TCERG1L: variants seen among roughly 807,000 people sequenced by gnomAD.
TCERG1L encodes transcription elongation regulator 1 like.
A neutral mutation model predicts 56.3 loss-of-function variants in TCERG1L; 37 were observed. That is an observed-to-expected ratio of 0.66 (90% CI 0.51 to 0.87). TCERG1L has a LOEUF of 0.87. Ranked by LOEUF, TCERG1L falls within the 40% of genes least tolerant of loss-of-function variation. The pLI, the probability that TCERG1L is intolerant of heterozygous loss-of-function variation, is 0.00. For synonymous variants in TCERG1L, 324 were observed against 326.3 expected, an observed-to-expected ratio of 0.99 and a Z score of 0.08; for missense variants, 799 against 774.2, an observed-to-expected ratio of 1.03 and a Z score of -0.38.
chr10:131,286,425 A>C (rs1002629488), intron 3 of TCERG1L, among the ~76,000 whole-genome samples: 1 of 152,236 alleles, frequency 6.6e-6, no homozygotes, highest in Non-Finnish European at 1.5e-5. Context: ...CTGTGGTTAC[A>C]ATACCGTATT....
chr10:131,156,746 GC>G (rs1448646933), intron 6 of TCERG1L, among the ~76,000 whole-genome samples: 4 of 151,942 alleles, frequency 2.6e-5, no homozygotes, highest in Admixed American at 1.3e-4. Flanking sequence ...GGTGCATGCA[GC>G]CCCCCAGTCA....
intron 4 of TCERG1L, among the ~76,000 whole-genome samples, chr10:131,250,616 T>G (rs960851652): frequency 6.6e-6 from 1 of 152,156 alleles, no homozygotes; most frequent in African/African-American, 2.4e-5. Flanking sequence ...GGAGCCAGTC[T>G]TGAGCCACAG....
At chr10:131,233,906 A>C (rs546437388) in intron 4 of TCERG1L, among the ~76,000 whole-genome samples, 1 of 152,268 alleles carries the variant, frequency 6.6e-6, no homozygotes, top group South Asian at 2.1e-4. Flanking sequence ...CTCTGGACAG[A>C]CTAGATTATT....
At chr10:131,125,159 G>GTGATGA (rs34057810) in intron 8 of TCERG1L, among the ~76,000 whole-genome samples, 1 of 151,906 alleles carries the variant, frequency 6.6e-6, no homozygotes. Context: ...GGTGGTGGTG[G>GTGATGA]TGATGATGAT....
At chr10:131,251,106 G>A (rs565467630) in intron 4 of TCERG1L, among the ~76,000 whole-genome samples, 1 of 152,280 alleles carries the variant, frequency 6.6e-6, no homozygotes, top group Non-Finnish European at 1.5e-5. Context: ...TTTGCTGTAT[G>A]GTGCCCCTTT....
At chr10:131,138,331 T>C (rs1434230081) in intron 7 of TCERG1L, among the ~76,000 whole-genome samples, 1 of 152,208 alleles carries the variant, frequency 6.6e-6, no homozygotes, top group Non-Finnish European at 1.5e-5. Flanking sequence ...TGCCATTCTC[T>C]GCTGACTGCA....
At chr10:131,304,302 A>G (rs1424184161) in intron 3 of TCERG1L, among the ~76,000 whole-genome samples, 1 of 151,990 alleles carries the variant, frequency 6.6e-6, no homozygotes, top group African/African-American at 2.4e-5. Context: ...TAATTCCTGA[A>G]TGGCTTGAAG....
intron 3 of TCERG1L, among the ~76,000 whole-genome samples, chr10:131,299,059 T>G (rs1466717948): frequency 6.6e-6 from 1 of 152,234 alleles, no homozygotes. Flanking sequence ...TAAATGTATT[T>G]GATTAGATTT....
At chr10:131,148,232 C>T (rs1157091543) in intron 6 of TCERG1L, among the ~76,000 whole-genome samples, 1 of 152,168 alleles carries the variant, frequency 6.6e-6, no homozygotes, top group Non-Finnish European at 1.5e-5. Flanking sequence ...CACAAGGGTC[C>T]TTCTAAGAGG....
At position 131,145,061 on chromosome 10, in the gene TCERG1L, A is replaced by G. The variant is rs77180038; in HGVS notation, c.1189+1445T>C. Reference sequence around the variant, plus strand: ...CTCATTACTACCAATTTTGGGAGGGAAAAATGAAACAGCACCAAATTATCT... The same window carrying G: ...CTCATTACTACCAATTTTGGGAGGGGAAAATGAAACAGCACCAAATTATCT... On this transcript the variant is annotated intron_variant, in intron 7 of 11. Coordinates refer to ENST00000368642, the MANE Select transcript of TCERG1L (RefSeq NM_174937.4). 4.8e-4 allele frequency among the ~76,000 whole-genome samples: 73 copies of G among 152,370 alleles called. No individual in the cohort carries two copies. In the East Asian group the frequency reaches 0.014, roughly 29 times the overall value.
intron 4 of TCERG1L, among the ~76,000 whole-genome samples, chr10:131,221,107 C>T (rs1845727400): frequency 6.6e-6 from 1 of 152,200 alleles, no homozygotes; most frequent in African/African-American, 2.4e-5. Flanking sequence ...CTGAGGTGGC[C>T]CCCACGCCTG....
chr10:131,275,641 G>A (rs1269585869), intron 3 of TCERG1L, among the ~76,000 whole-genome samples: 1 of 152,068 alleles, frequency 6.6e-6, no homozygotes. Flanking sequence ...ACAATGGACG[G>A]GTTCCCTCAG....
At chr10:131,273,863 T>C (rs1281813443) in intron 3 of TCERG1L, among the ~76,000 whole-genome samples, 1 of 152,164 alleles carries the variant, frequency 6.6e-6, no homozygotes, top group African/African-American at 2.4e-5. Context: ...CTAGGAAATA[T>C]GGAAATAACA....
intron 6 of TCERG1L, among the ~76,000 whole-genome samples, chr10:131,151,564 T>G (rs923626467): frequency 3.9e-5 from 6 of 152,182 alleles, no homozygotes; most frequent in African/African-American, 1.4e-4. Flanking sequence ...GTCCCCTTCC[T>G]GGTTGCTTTC....
At chr10:131,106,441 G>T (rs913576799) in intron 9 of TCERG1L, among the ~76,000 whole-genome samples, 4 of 152,192 alleles carry the variant, frequency 2.6e-5, no homozygotes, top group Non-Finnish European at 5.9e-5. Flanking sequence ...AGGAGCCTTG[G>T]GGGGTATTCC....
chr10:131,293,999 G>A (rs1191471835), intron 3 of TCERG1L, among the ~76,000 whole-genome samples: 1 of 152,146 alleles, frequency 6.6e-6, no homozygotes, highest in Non-Finnish European at 1.5e-5. Context: ...ATTGCTCTCT[G>A]TAATTTCCTG....
intron 4 of TCERG1L, among the ~76,000 whole-genome samples, chr10:131,246,026 A>G (rs1400205066): frequency 6.6e-6 from 1 of 152,176 alleles, no homozygotes; most frequent in African/African-American, 2.4e-5. Flanking sequence ...TCTTCTGGAA[A>G]CACTGAGGCT....
chr10:131,124,715 C>T lies in TCERG1L; in HGVS notation c.1260-7781G>A, dbSNP rs553033505. 4.6e-5 allele frequency among the ~76,000 whole-genome samples: 7 copies of T among 152,232 alleles called. No homozygotes were observed. The East Asian group carries it at 1.4e-3, about 29-fold the overall frequency. On this transcript the variant is annotated intron_variant, in intron 8 of 11. Transcript: ENST00000368642. ...CTCTACAAGCTCCACCTTCTTTATC[C>T]CCCAAATGACAACAACAACAACAAC...
At chr10:131,266,633 C>T (rs1343914355) in intron 3 of TCERG1L, among the ~76,000 whole-genome samples, 1 of 152,162 alleles carries the variant, frequency 6.6e-6, no homozygotes, top group Non-Finnish European at 1.5e-5. Flanking sequence ...AGGCTCTCAG[C>T]AGAGAGGAGG....
Sources: allele counts gnomAD v4.1 joint callset (sites outside exome capture counted in the v4.1 genomes callset), GRCh38; gene constraint gnomAD v4.1.1; transcripts MANE v1.5; gene names NCBI Gene and HGNC (gene_info 2026-07-23, HGNC 2026-07-21).